CRISP1: variants seen among roughly 807,000 people sequenced by gnomAD.
CRISP1 encodes the protein cysteine-rich secretory protein 1.
Under a neutral mutation model 33.1 loss-of-function variants are expected in CRISP1, and 44 were observed. The observed-to-expected ratio is 1.33, with a 90% CI of 1.05 to 1.71. The LOEUF (loss-of-function observed/expected upper bound fraction) is 1.71, where lower values mean the gene tolerates loss of function less well. CRISP1 is among the 40% of genes most tolerant of loss of function. The pLI is 0.00. For synonymous variants in CRISP1, 103 were observed against 98.7 expected, an observed-to-expected ratio of 1.04 and a Z score of -0.26; for missense variants, 390 against 301.2, an observed-to-expected ratio of 1.29 and a Z score of -2.18.
In CRISP1 at chr6:49,848,280, G is replaced by A; in HGVS notation, c.215C>T (p.Ala72Val). 1 of 1,602,764 alleles carries A rather than the reference G, an allele frequency of 6.2e-7. No homozygotes were observed. Among genetic ancestry groups the A allele is most frequent in the Non-Finnish European group, 8.5e-7 (1 of 1,175,390 alleles). The change falls in exon 4 of 8, where the codon GCA (alanine) becomes GTA (valine). Residue 72 changes from alanine (A) to valine (V), a missense_variant. By Grantham distance (64) the Ala-to-Val change is moderately conservative. Transcript: ENST00000335847. ...MLKMSWSEEA[A>V]QNARIFSKYC... ...CTTTGAAAAAATTCTGGCATTTTGT[G>A]CAGCCTCTTCACTCCAACTCTGTAG...
chr6:49,857,697 T>C (rs563617336), intron 1 of CRISP1, among the ~76,000 whole-genome samples: 3 of 152,304 alleles, frequency 2.0e-5, no homozygotes, highest in Admixed American at 1.3e-4. Flanking sequence ...AAACTTCTAA[T>C]CAGCTAACAT....
At chr6:49,868,187 T>C (rs1771842101), upstream of CRISP1, among the ~76,000 whole-genome samples, 1 of 152,154 alleles carries the variant, frequency 6.6e-6, no homozygotes, top group Non-Finnish European at 1.5e-5. Flanking sequence ...TTGGGAAGTG[T>C]TGGAAAGCAA....
chr6:49,848,370 A>G, intron 3 of CRISP1, 71 bp from the exon 4 acceptor site: 1 of 898,350 alleles, frequency 1.1e-6, no homozygotes, highest in Non-Finnish European at 1.7e-6. Flanking sequence ...TATTGTTTTT[A>G]ATAATCCACG....
intron 1 of CRISP1, among the ~76,000 whole-genome samples, chr6:49,874,183 A>G (rs894453622): frequency 6.6e-6 from 1 of 152,098 alleles, no homozygotes; most frequent in East Asian, 1.9e-4. Flanking sequence ...TAATGTAGTT[A>G]TTACTATCAA....
chr6:49,839,661 A>T (rs1005490167), intron 6 of CRISP1, among the ~76,000 whole-genome samples: 1 of 152,176 alleles, frequency 6.6e-6, no homozygotes, highest in Admixed American at 6.5e-5. Flanking sequence ...TTAATGAGAG[A>T]CTTGGACTAA....
At chr6:49,836,694 T>G (rs985776879) in intron 7 of CRISP1, among the ~76,000 whole-genome samples, 2 of 152,156 alleles carry the variant, frequency 1.3e-5, no homozygotes, top group African/African-American at 2.4e-5. Context: ...GTGAATATCC[T>G]TCTATGCTAT....
chr6:49,835,568 A>G (rs954766743), intron 7 of CRISP1, 125 bp from the exon 8 acceptor site: 16 of 889,968 alleles, frequency 1.8e-5, no homozygotes, highest in Non-Finnish European at 2.7e-5. Context: ...AAATTTAATT[A>G]GCATAAGCTA....
chr6:49,867,911 G>T (rs895007662), upstream of CRISP1, among the ~76,000 whole-genome samples: 6 of 152,110 alleles, frequency 3.9e-5, no homozygotes, highest in African/African-American at 7.2e-5. Context: ...AGCTGCAAAA[G>T]AATGCTATTA....
upstream of CRISP1, among the ~76,000 whole-genome samples, chr6:49,869,698 T>G (rs1324525460): frequency 6.6e-6 from 1 of 152,116 alleles, no homozygotes; most frequent in African/African-American, 2.4e-5. Context: ...GGAGTAAAAG[T>G]GTTAAAAAAT....
intron 1 of CRISP1, among the ~76,000 whole-genome samples, chr6:49,876,295 A>G (rs1022348259): frequency 6.6e-6 from 1 of 152,186 alleles, no homozygotes; most frequent in African/African-American, 2.4e-5. Flanking sequence ...GAAGCTGAAC[A>G]TCACTGATCA....
chr6:49,835,468 C>A lies in CRISP1; in HGVS notation c.623-25G>T, dbSNP rs746953856. ...GCTGAAAGAAAATAGTATGGTTTTACAACACAGTCTTTTAAAAATCGCATT... is the reference window on the plus strand; with the variant it reads ...GCTGAAAGAAAATAGTATGGTTTTAAAACACAGTCTTTTAAAAATCGCATT... On this transcript the variant is annotated intron_variant, in intron 7 of 7. Transcript: ENST00000335847. The A allele has an allele frequency of 2.5e-6, 4 of 1,608,646 alleles. No individual in the cohort carries two copies. The South Asian group carries it at 4.4e-5, about 18-fold the overall frequency.
intron 1 of CRISP1, among the ~76,000 whole-genome samples, chr6:49,874,240 C>T (rs1310617227): frequency 1.3e-5 from 2 of 151,984 alleles, no homozygotes; most frequent in Non-Finnish European, 2.9e-5. Context: ...TATGGCAATT[C>T]TGAATAATAT....
chr6:49,873,204 G>T (rs1042587665), intron 1 of CRISP1, among the ~76,000 whole-genome samples: 1 of 151,708 alleles, frequency 6.6e-6, no homozygotes, highest in East Asian at 1.9e-4. Flanking sequence ...AAAATAAAAA[G>T]GGATAAGCCA....
intron 5 of CRISP1, among the ~76,000 whole-genome samples, chr6:49,841,960 C>T (rs1241259605): frequency 1.3e-5 from 2 of 152,254 alleles, no homozygotes; most frequent in East Asian, 1.9e-4. Flanking sequence ...TGTTCTCACT[C>T]GCCCTCCCTG....
chr6:49,868,550 A>G (rs1195968403), upstream of CRISP1, among the ~76,000 whole-genome samples: 3 of 152,208 alleles, frequency 2.0e-5, no homozygotes, highest in African/African-American at 7.2e-5. Flanking sequence ...GAAAGCCCAG[A>G]TATATAATAC....
At chr6:49,859,150 C>A (rs934870546) in intron 1 of CRISP1, among the ~76,000 whole-genome samples, 1 of 151,964 alleles carries the variant, frequency 6.6e-6, no homozygotes, top group Non-Finnish European at 1.5e-5. Flanking sequence ...TTGCCTGGAG[C>A]CTGCCCAAAG....
upstream of CRISP1, among the ~76,000 whole-genome samples, chr6:49,870,822 C>T (rs140305926): frequency 3.0e-3 from 455 of 152,178 alleles, 1 homozygote; most frequent in African/African-American, 0.01. Flanking sequence ...ATAGGCCAGG[C>T]GTGGTGGCTC....
chr6:49,871,543 TC>T (rs1004858829), intron 1 of CRISP1, among the ~76,000 whole-genome samples: 2 of 73,862 alleles, frequency 2.7e-5, no homozygotes, highest in African/African-American at 1.1e-4. Context: ...ATGCTATCCC[TC>T]CCCCCTCCCC....
At chr6:49,874,222 A>C (rs182042803) in intron 1 of CRISP1, among the ~76,000 whole-genome samples, 1 of 152,096 alleles carries the variant, frequency 6.6e-6, no homozygotes, top group African/African-American at 2.4e-5. Context: ...TAGCTATTGA[A>C]TAGTAAATAT....
Sources: allele counts gnomAD v4.1 joint callset (sites outside exome capture counted in the v4.1 genomes callset), GRCh38; gene constraint gnomAD v4.1.1; transcripts MANE v1.5; gene names NCBI Gene and HGNC (gene_info 2026-07-23, HGNC 2026-07-21).